The following CEMIP variants were observed in gnomAD, a reference collection of about 807,000 sequenced individuals.
CEMIP encodes cell migration inducing hyaluronidase 1.
In CEMIP, 105 loss-of-function variants were observed where a neutral mutation model predicts 156.9. That is an observed-to-expected ratio of 0.67 (90% CI 0.57 to 0.79). CEMIP has a LOEUF of 0.79. Ranked by LOEUF, CEMIP falls within the 30% of genes least tolerant of loss-of-function variation. CEMIP has a pLI of 0.00. For missense variants in CEMIP, 1,457 were observed against 1,769.4 expected, an observed-to-expected ratio of 0.82 and a Z score of 3.17; for synonymous variants, 676 against 668.4, an observed-to-expected ratio of 1.01 and a Z score of -0.17.
In CEMIP at chr15:80,829,677, G is replaced by C. The variant is rs1897112089; in HGVS notation, c.-175-43861G>C. Among the ~76,000 whole-genome samples the C allele has an allele frequency of 2.6e-5, 4 of 152,272 alleles. No homozygotes were observed. In the South Asian group the frequency reaches 8.3e-4, roughly 32 times the overall value. ...TCAATTAACTACTGGGATGTTATGA[G>C]GAGTTTCTTAGAACAGAGATTTGCT... On this transcript the variant is annotated intron_variant, in intron 1 of 29. Coordinates refer to ENST00000394685, the MANE Select transcript of CEMIP (RefSeq NM_001293298.2).
intron 1 of CEMIP, among the ~76,000 whole-genome samples, chr15:80,865,343 G>A (rs1179878531): frequency 5.9e-5 from 9 of 151,950 alleles, no homozygotes; most frequent in Non-Finnish European, 8.8e-5. Context: ...CACCACGCCC[G>A]GCTAATGTTT....
chr15:80,846,369 A>G (rs1204602780), intron 1 of CEMIP, among the ~76,000 whole-genome samples: 2 of 152,186 alleles, frequency 1.3e-5, no homozygotes, highest in African/African-American at 4.8e-5. Context: ...AGCCCGAGAC[A>G]GGCTTTTCCT....
At chr15:80,943,494 G>A (rs1567113162) in intron 28 of CEMIP, among the ~76,000 whole-genome samples, 1 of 152,166 alleles carries the variant, frequency 6.6e-6, no homozygotes, top group Non-Finnish European at 1.5e-5. Context: ...ACTGCTACTT[G>A]GACAACGCCA....
chr15:80,821,454 C>T (rs918470640), intron 1 of CEMIP, among the ~76,000 whole-genome samples: 3 of 152,110 alleles, frequency 2.0e-5, no homozygotes, highest in Non-Finnish European at 2.9e-5. Flanking sequence ...CTGGCAACTA[C>T]GTGGATTGGG....
intron 1 of CEMIP, among the ~76,000 whole-genome samples, chr15:80,863,771 C>G (rs1185414036): frequency 6.6e-6 from 1 of 152,158 alleles, no homozygotes; most frequent in Non-Finnish European, 1.5e-5. Context: ...AGATCTGCTC[C>G]CTATGTGCTG....
intron 1 of CEMIP, among the ~76,000 whole-genome samples, chr15:80,794,809 G>A (rs144216709): frequency 1.7e-3 from 253 of 152,312 alleles, no homozygotes; most frequent in African/African-American, 5.7e-3. Context: ...AATCACGGGC[G>A]TATGTGATTC....
intron 14 of CEMIP, among the ~76,000 whole-genome samples, chr15:80,918,170 G>A (rs1900342823): frequency 6.6e-6 from 1 of 152,166 alleles, no homozygotes; most frequent in South Asian, 2.1e-4. Context: ...AGCTCCCCAG[G>A]GGGCTGAGGT....
At chr15:80,835,489 C>T (rs879526513) in intron 1 of CEMIP, among the ~76,000 whole-genome samples, 15 of 152,212 alleles carry the variant, frequency 9.9e-5, no homozygotes, top group Non-Finnish European at 1.5e-4. Flanking sequence ...GCAGGGGCCC[C>T]GCATGGCCAC....
chr15:80,817,243 A>G (rs996969870), intron 1 of CEMIP, among the ~76,000 whole-genome samples: 1 of 152,090 alleles, frequency 6.6e-6, no homozygotes, highest in Non-Finnish European at 1.5e-5. Context: ...GTGAGGAGAA[A>G]GTTGCTCAAA....
At chr15:80,879,329 C>T (rs73501088) in intron 4 of CEMIP, among the ~76,000 whole-genome samples, 11,083 of 152,164 alleles carry the variant, frequency 0.073, 1,332 homozygotes, top group African/African-American at 0.25. Flanking sequence ...ACAGATTTTT[C>T]CTTGTCATTA....
Position 80,949,206 on chromosome 15 carries a change from A to G in CEMIP, c.*282A>G, listed in dbSNP as rs780573808. 20 of 470,798 alleles carry G rather than the reference A, an allele frequency of 4.2e-5. No homozygotes were observed. Among genetic ancestry groups the G allele is most frequent in the Non-Finnish European group, 7.0e-5 (18 of 255,320 alleles). 29.2% of individuals were successfully genotyped at this position (470,798 alleles called of 1,614,324 possible). A position where few individuals can be genotyped will look rare whatever the true frequency, so the allele number is the denominator to read the frequency against. ...GCTTCTCTCCTATCTGTGCCTCTTC[A>G]GTGGGGGTTTGGGGACCATATCAGG... On this transcript the variant is annotated 3_prime_UTR_variant, in exon 30 of 30. Coordinates refer to ENST00000394685, the MANE Select transcript of CEMIP (RefSeq NM_001293298.2).
intron 1 of CEMIP, among the ~76,000 whole-genome samples, chr15:80,808,782 A>C (rs1281648749): frequency 1.2e-5 from 1 of 80,920 alleles, no homozygotes; most frequent in Non-Finnish European, 2.9e-5. Context: ...ACATATGGGG[A>C]AGCCAAAAAA....
At chr15:80,915,824 C>T (rs1900254509) in intron 14 of CEMIP, among the ~76,000 whole-genome samples, 1 of 132,988 alleles carries the variant, frequency 7.5e-6, no homozygotes, top group Admixed American at 8.5e-5. Context: ...TTTTAATCTG[C>T]ATATTCAAAA....
At chr15:80,828,370 ACT>A (rs1277441979) in intron 1 of CEMIP, among the ~76,000 whole-genome samples, 2 of 150,492 alleles carry the variant, frequency 1.3e-5, no homozygotes, top group Non-Finnish European at 2.9e-5. Flanking sequence ...AAAGAGTGAG[ACT>A]CTGTCTCAAA....
At chr15:80,895,440 G>T (rs1899185774) in intron 11 of CEMIP, among the ~76,000 whole-genome samples, 1 of 152,092 alleles carries the variant, frequency 6.6e-6, no homozygotes, top group Admixed American at 6.5e-5. Context: ...TACCTAAGGT[G>T]CTTGTTAGAA....
At chr15:80,927,163 C>A (rs1900728566) in intron 19 of CEMIP, among the ~76,000 whole-genome samples, 1 of 142,356 alleles carries the variant, frequency 7.0e-6, no homozygotes, top group South Asian at 2.2e-4. Flanking sequence ...GAAAAGAAGT[C>A]ATTCATTTTA....
chr15:80,923,394 G>A (rs934321099), intron 17 of CEMIP, among the ~76,000 whole-genome samples: 3 of 152,174 alleles, frequency 2.0e-5, no homozygotes, highest in African/African-American at 7.2e-5. Context: ...TGGAGAGAAT[G>A]TGTTGGCTGC....
Position 80,874,092 on chromosome 15 carries a change from C to G in CEMIP, c.94+119C>G. ...GAGCCGTGGGAGTGGGTCAGGGTGC[C>G]TGGGCCTTGGCCCGACCTTACTAAA... On this transcript the variant is annotated intron_variant, in intron 3 of 29. Transcript: ENST00000394685. 3.2e-6 allele frequency: 3 copies of G among 948,534 alleles called. No individual in the cohort carries two copies. In the Admixed American group the frequency reaches 6.0e-5, roughly 19 times the overall value. 58.8% of individuals were successfully genotyped at this position (948,534 alleles called of 1,614,324 possible).
intron 1 of CEMIP, among the ~76,000 whole-genome samples, chr15:80,853,827 T>G (rs1897772120): frequency 6.6e-6 from 1 of 152,212 alleles, no homozygotes; most frequent in Non-Finnish European, 1.5e-5. Flanking sequence ...GATCAAGACA[T>G]GGACGATTTT....
Sources: allele counts gnomAD v4.1 joint callset (sites outside exome capture counted in the v4.1 genomes callset), GRCh38; gene constraint gnomAD v4.1.1; transcripts MANE v1.5; gene names NCBI Gene and HGNC (gene_info 2026-07-23, HGNC 2026-07-21).